ABCB1: variants seen among roughly 807,000 people sequenced by gnomAD.
The protein encoded by ABCB1 is ATP binding cassette subfamily B member 1, also known as ATP-dependent translocase ABCB1.
ABCB1 carries 69 observed loss-of-function variants against 142.0 expected under a neutral mutation model. That is an observed-to-expected ratio of 0.49 (90% CI 0.40 to 0.59). The LOEUF (loss-of-function observed/expected upper bound fraction) is 0.59, where lower values mean the gene tolerates loss of function less well. Ranked by LOEUF, ABCB1 falls within the 20% of genes least tolerant of loss-of-function variation. The pLI, the probability that ABCB1 is intolerant of heterozygous loss-of-function variation, is 0.00. For missense variants in ABCB1, 1,326 were observed against 1,554.7 expected, an observed-to-expected ratio of 0.85 and a Z score of 2.47; for synonymous variants, 532 against 539.2, an observed-to-expected ratio of 0.99 and a Z score of 0.18.
At chr7:87,627,413 T>C (rs775200917) in intron 1 of ABCB1, 7 of 152,240 alleles carry the variant, frequency 4.6e-5, no homozygotes, top group Non-Finnish European at 1.0e-4. Flanking sequence ...TTATGTCAAA[T>C]GTGACTTCAA....
chr7:87,604,686 A>G (rs1057406503), upstream of ABCB1, among the ~76,000 whole-genome samples: 8 of 152,124 alleles, frequency 5.3e-5, no homozygotes, highest in East Asian at 9.6e-4. Flanking sequence ...TTGTCTTGCC[A>G]TCATTTAGCC....
Position 87,570,038 on chromosome 7 carries a change from A to G in ABCB1, c.338+134T>C, listed in dbSNP as rs895940244. Reference sequence around the variant, plus strand: ...CCAATTCTTTTCTTAAAAAGTCTACATATACTCTTCTAAAAACTATCAAGA... The same window carrying G: ...CCAATTCTTTTCTTAAAAAGTCTACGTATACTCTTCTAAAAACTATCAAGA... On this transcript the variant is annotated intron_variant, in intron 5 of 27. Coordinates refer to ENST00000622132, the MANE Select transcript of ABCB1 (RefSeq NM_001348946.2). 4.9e-6 allele frequency: 4 copies of G among 808,160 alleles called. No individual in the cohort carries two copies. In the African/African-American group the frequency reaches 6.9e-5, roughly 14 times the overall value. The allele number at this position is 808,160 out of a possible 1,614,324, so 50.1% of individuals were successfully genotyped here. A position where few individuals can be genotyped will look rare whatever the true frequency, so the allele number is the denominator to read the frequency against.
At position 87,504,113 on chromosome 7, in the gene ABCB1, T is replaced by G; in HGVS notation, c.*130A>C. 8.1e-7 allele frequency: 1 copy of G among 1,231,114 alleles called. No individual in the cohort carries two copies. Among genetic ancestry groups the G allele is most frequent in the Non-Finnish European group, 1.2e-6 (1 of 864,980 alleles). The allele number at this position is 1,231,114 out of a possible 1,614,324, so 76.3% of individuals were successfully genotyped here. A position where few individuals can be genotyped will look rare whatever the true frequency, so the allele number is the denominator to read the frequency against. On this transcript the variant is annotated 3_prime_UTR_variant, in exon 28 of 28. Coordinates refer to ENST00000622132, the MANE Select transcript of ABCB1 (RefSeq NM_001348946.2). ...CTTTAATTACGAAGTCTCTGAAGACTCTGAACTTGACTGAGGAAATGTTAA... is the reference window on the plus strand; with the variant it reads ...CTTTAATTACGAAGTCTCTGAAGACGCTGAACTTGACTGAGGAAATGTTAA...
rs898222211 is a variant in ABCB1 at position 87,516,481 on chromosome 7, G to A, written c.3084+28C>T. 6.2e-7 allele frequency: 1 copy of A among 1,613,854 alleles called. No homozygotes were observed. Among genetic ancestry groups the A allele is most frequent in the Non-Finnish European group, 8.5e-7 (1 of 1,179,752 alleles). ...TACTTTCATTCAGGAGTCAGGAGTAGATCAAACAGTTGAAACATCAAACTC... is the reference window on the plus strand; with the variant it reads ...TACTTTCATTCAGGAGTCAGGAGTAAATCAAACAGTTGAAACATCAAACTC... On this transcript the variant is annotated intron_variant, in intron 24 of 27. Coordinates refer to ENST00000622132, the MANE Select transcript of ABCB1 (RefSeq NM_001348946.2).
chr7:87,508,909 T>TG (rs1814873466), intron 26 of ABCB1, among the ~76,000 whole-genome samples: 1 of 152,260 alleles, frequency 6.6e-6, no homozygotes, highest in Admixed American at 6.5e-5. Flanking sequence ...ACTCTGTACT[T>TG]GGACTTAAAG....
At chr7:87,615,535 G>A (rs1330294996) in intron 1 of ABCB1, among the ~76,000 whole-genome samples, 8 of 152,210 alleles carry the variant, frequency 5.3e-5, no homozygotes, top group Non-Finnish European at 1.2e-4. Context: ...ATTGAAATCA[G>A]ACTGTAGGGA....
chr7:87,679,330 T>G (rs1318038090), intron 1 of ABCB1, among the ~76,000 whole-genome samples: 1 of 149,662 alleles, frequency 6.7e-6, no homozygotes, highest in Non-Finnish European at 1.5e-5. Context: ...CCTGACCTCG[T>G]GATCCACCCA....
At chr7:87,597,465 A>G (rs1819252791) in intron 2 of ABCB1, among the ~76,000 whole-genome samples, 1 of 152,132 alleles carries the variant, frequency 6.6e-6, no homozygotes, top group Non-Finnish European at 1.5e-5. Flanking sequence ...CTACTTTAAA[A>G]TATAATCTCT....
intron 1 of ABCB1, among the ~76,000 whole-genome samples, chr7:87,688,191 G>A (rs994472669): frequency 2.0e-5 from 3 of 151,974 alleles, no homozygotes; most frequent in Admixed American, 6.6e-5. Flanking sequence ...GAAAATCATC[G>A]TATTCATGTA....
At chr7:87,507,900 G>C (rs531313889) in intron 26 of ABCB1, among the ~76,000 whole-genome samples, 1 of 152,130 alleles carries the variant, frequency 6.6e-6, no homozygotes, top group Non-Finnish European at 1.5e-5. Flanking sequence ...GCCAAATACT[G>C]CATGTTCTCA....
intron 1 of ABCB1, chr7:87,693,864 T>C (rs762998359): frequency 6.3e-7 from 1 of 1,588,808 alleles, no homozygotes; most frequent in Admixed American, 1.7e-5. Context: ...GATGGCAGGT[T>C]TCTTAAATAT....
At chr7:87,536,361 AATG>A in intron 20 of ABCB1, 94 bp downstream of exon 20, 1 of 1,053,980 alleles carries the variant, frequency 9.5e-7, no homozygotes, top group East Asian at 2.4e-5. Flanking sequence ...ACATTTTCTT[AATG>A]ATGATAACTA....
At chr7:87,694,064 A>G (rs1024578069) in intron 1 of ABCB1, 65 of 1,532,302 alleles carry the variant, frequency 4.2e-5, no homozygotes, top group Non-Finnish European at 5.3e-5. Context: ...AGTACATTGC[A>G]TGGGTTTTGT....
At chr7:87,594,824 C>T (rs1358084752) in intron 3 of ABCB1, among the ~76,000 whole-genome samples, 1 of 152,176 alleles carries the variant, frequency 6.6e-6, no homozygotes, top group Non-Finnish European at 1.5e-5. Context: ...CTACCTACAA[C>T]TATTTTTATA....
chr7:87,599,614 G>A (rs758717292), intron 2 of ABCB1, among the ~76,000 whole-genome samples: 1 of 152,120 alleles, frequency 6.6e-6, no homozygotes, highest in Non-Finnish European at 1.5e-5. Flanking sequence ...GCCGGGAAGG[G>A]TAAAAAGGTG....
intron 1 of ABCB1, among the ~76,000 whole-genome samples, chr7:87,612,293 T>C (rs1247196967): frequency 1.3e-5 from 2 of 152,314 alleles, no homozygotes; most frequent in African/African-American, 2.4e-5. Context: ...ATTTTCATTT[T>C]AGTTGAATTT....
intron 1 of ABCB1, among the ~76,000 whole-genome samples, chr7:87,649,453 A>T (rs1823355018): frequency 6.6e-6 from 1 of 152,190 alleles, no homozygotes; most frequent in South Asian, 2.1e-4. Context: ...GGTAGCAGTA[A>T]GATAAATTGT....
chr7:87,528,812 T>G (rs1815909675), intron 21 of ABCB1, among the ~76,000 whole-genome samples: 1 of 152,200 alleles, frequency 6.6e-6, no homozygotes, highest in South Asian at 2.1e-4. Flanking sequence ...AGGAATGGCC[T>G]CTCTGAAGAG....
intron 21 of ABCB1, among the ~76,000 whole-genome samples, chr7:87,527,757 C>G (rs376404166): frequency 1.1e-4 from 17 of 152,152 alleles, no homozygotes; most frequent in Admixed American, 8.5e-4. Flanking sequence ...GCATTTTAAG[C>G]AGGTACAACA....
Sources: allele counts gnomAD v4.1 joint callset (sites outside exome capture counted in the v4.1 genomes callset), GRCh38; gene constraint gnomAD v4.1.1; transcripts MANE v1.5; gene names NCBI Gene and HGNC (gene_info 2026-07-23, HGNC 2026-07-21).